The following REXO1 variants were observed in gnomAD, a reference collection of about 807,000 sequenced individuals.
REXO1 encodes the protein REX1, RNA exonuclease 1 homolog.
Under a neutral mutation model 102.6 loss-of-function variants are expected in REXO1, and 42 were observed. That is an observed-to-expected ratio of 0.41 (90% CI 0.32 to 0.53). REXO1 has a LOEUF of 0.53. Ranked by LOEUF, REXO1 falls within the 20% of genes least tolerant of loss-of-function variation. The pLI, the probability that REXO1 is intolerant of heterozygous loss-of-function variation, is 0.27. For synonymous variants in REXO1, 908 were observed against 779.1 expected, an observed-to-expected ratio of 1.17 and a Z score of -2.76; for missense variants, 1,819 against 1,732.5, an observed-to-expected ratio of 1.05 and a Z score of -0.89.
At chr19:1,836,488 G>A (rs533842671) in intron 1 of REXO1, among the ~76,000 whole-genome samples, 6 of 152,140 alleles carry the variant, frequency 3.9e-5, no homozygotes, top group African/African-American at 4.8e-5. Flanking sequence ...GCTCATGCCT[G>A]TAATCCCAGC....
chr19:1,829,830 G>A (rs11669766), intron 1 of REXO1, among the ~76,000 whole-genome samples: 58,852 of 152,078 alleles, frequency 0.39, 13,203 homozygotes, highest in Non-Finnish European at 0.52. Context: ...ATTTGTAGAG[G>A]TGGAGTCTCA....
chr19:1,848,232 C>G lies in REXO1; in HGVS notation c.127G>C (p.Gly43Arg). Residue 43 changes from glycine to arginine, a missense_variant, in exon 1 of 16, where the codon GGT (glycine) becomes CGT (arginine). Physicochemically the swap from Gly to Arg is moderately radical, Grantham distance 125 (BLOSUM62 -2). Transcript: ENST00000170168. ...HRGARGSGAP[G>R]DGGEAPPAAG... ...GCGGGGGGCGCCTCTCCGCCGTCAC[C>G]GGGCGCGCCGGAGCCCCGGGCCCCG... 1 of 1,227,884 alleles carries G rather than the reference C, an allele frequency of 8.1e-7. No homozygotes were observed. 76.1% of individuals were successfully genotyped at this position (1,227,884 alleles called of 1,614,324 possible). A position where few individuals can be genotyped will look rare whatever the true frequency, so the allele number is the denominator to read the frequency against.
At chr19:1,821,459 G>A (rs1453211637) in intron 5 of REXO1, 60 bp downstream of exon 5, 25 of 1,603,028 alleles carry the variant, frequency 1.6e-5, no homozygotes, top group Non-Finnish European at 2.0e-5. Context: ...GGTCCCATGT[G>A]GCCGGGCCTC....
Position 1,827,291 on chromosome 19 carries a change from G to A in REXO1, c.1498C>T (p.Leu500=). The A allele has an allele frequency of 2.6e-6, 4 of 1,564,572 alleles. No individual in the cohort carries two copies. The highest frequency in any genetic ancestry group is 3.4e-6 in the Non-Finnish European group (4 of 1,161,466). Residue 500 remains leucine, a synonymous_variant, in exon 2 of 16, where the codon CTA becomes TTA. Transcript: ENST00000170168. The part of the protein sequence containing the change: ...GKLVERKARS[L]DEGASQDAPK... ...GCGTCCTGGGAGGCGCCCTCGTCTA[G>A]TGAGCGGGCTTTCCGCTCCACTAGC...
Position 1,815,839 on chromosome 19 carries a change from C to G in REXO1, c.*227G>C. The G allele has an allele frequency of 1.3e-6, 2 of 1,515,118 alleles. No individual in the cohort carries two copies. Among genetic ancestry groups the G allele is most frequent in the Non-Finnish European group, 1.8e-6 (2 of 1,136,022 alleles). 93.9% of individuals were successfully genotyped at this position (1,515,118 alleles called of 1,614,324 possible). The stretch of plus-strand genomic sequence containing the variant: ...CTCCATCAGCAGCAGTTTCTAGAGA[C>G]GCCAGAGGGCTGGGGGGCAGAGGGT... On this transcript the variant is annotated 3_prime_UTR_variant, in exon 16 of 16. Transcript: ENST00000170168. The surrounding 1 kb of genome is among the most constrained non-coding windows in gnomAD (Gnocchi z 4.0).
chr19:1,841,502 A>G (rs11667638), intron 1 of REXO1, among the ~76,000 whole-genome samples: 59,024 of 152,170 alleles, frequency 0.39, 13,240 homozygotes, highest in Non-Finnish European at 0.52. Flanking sequence ...AAGAGCTCGC[A>G]GAGGCCGAGG....
chr19:1,831,864 A>G (rs934147560), intron 1 of REXO1, among the ~76,000 whole-genome samples: 29 of 54,068 alleles, frequency 5.4e-4, no homozygotes, highest in South Asian at 1.5e-3. Flanking sequence ...AAAAAAAAAA[A>G]AAAGAAAGAA....
rs768447600 is a variant in REXO1, at chr19:1,818,841, C to G, written c.2767G>C (p.Ala923Pro). The G allele has an allele frequency of 1.1e-5, 17 of 1,609,018 alleles. No homozygotes were observed. The South Asian group carries it at 1.8e-4, about 17-fold the overall frequency. ...TCCCTGAGGCGGCTGTACAGGGCAG[C>G]CCCTGTGGACAGGCACAGTGGTCAG... ...SSPRVEDLKG[A>P]ALYSRLREYL... The change falls in exon 9 of 16, where the codon GCT becomes CCT. Residue 923 changes from alanine to proline, a missense_variant and splice_region_variant. By Grantham distance (27) the Ala-to-Pro change is conservative. Transcript: ENST00000170168.
rs532485737 is a variant in REXO1 at position 1,841,782 on chromosome 19, G to A, written c.157+6420C>T. ...CCCCGGAACCCCTCCCAGCAGGCACGCTTGTCCCCGCTGACCCCAGCCCCA... is the reference window on the plus strand; with the variant it reads ...CCCCGGAACCCCTCCCAGCAGGCACACTTGTCCCCGCTGACCCCAGCCCCA... On this transcript the variant is annotated intron_variant, in intron 1 of 15. Coordinates refer to ENST00000170168, the MANE Select transcript of REXO1 (RefSeq NM_020695.4). 8.9e-4 allele frequency among the ~76,000 whole-genome samples: 135 copies of A among 152,246 alleles called. 2 individuals are homozygous for A. The highest frequency in any genetic ancestry group is 2.7e-3 in the African/African-American group (112 of 41,552).
chr19:1,818,673 G>A lies in REXO1; in HGVS notation c.2902+33C>T, dbSNP rs372277319. 16 of 1,609,246 alleles carry A rather than the reference G, an allele frequency of 9.9e-6. No homozygotes were observed. The African/African-American group carries it at 1.7e-4, about 17-fold the overall frequency. The stretch of plus-strand genomic sequence containing the variant: ...CCGGCCTTGCCCACATCCCGCACCT[G>A]CCCACCTAGGCCGTCGCAGGCCAGC... On this transcript the variant is annotated intron_variant, in intron 9 of 15. Coordinates refer to ENST00000170168, the MANE Select transcript of REXO1 (RefSeq NM_020695.4).
rs1555821500 is a variant in REXO1, at chr19:1,827,021, T to TGGAGGAGGTGGA, written c.1767_1768insTCCACCTCCTCC (p.Ser589_Thr590insSerThrSerSer). ...TCCACATCCGCCCCCGCGCTGGAGG[T>TGGAGGAGGTGGA]GGAGGAGGAGGAGGAGGAGGAGGAG... On this transcript the variant is annotated inframe_insertion, in exon 2 of 16. Transcript: ENST00000170168. 1.7e-4 allele frequency: 239 copies of TGGAGGAGGTGGA among 1,384,146 alleles called. 1 individual carries two copies. The African/African-American group carries it at 1.9e-3, about 11-fold the overall frequency. 85.7% of individuals were successfully genotyped at this position (1,384,146 alleles called of 1,614,324 possible).
intron 3 of REXO1, among the ~76,000 whole-genome samples, chr19:1,825,319 A>ACC (rs1386146301): frequency 1.4e-5 from 2 of 143,496 alleles, no homozygotes; most frequent in African/African-American, 5.4e-5. Context: ...AAAAAAAAAA[A>ACC]AAACAACCAA....
In REXO1 at chr19:1,848,364, G is replaced by A; in HGVS notation, c.-6C>T. The A allele has an allele frequency of 2.5e-6, 3 of 1,213,520 alleles. No individual in the cohort carries two copies. Among genetic ancestry groups the A allele is most frequent in the Non-Finnish European group, 3.1e-6 (3 of 969,674 alleles). The allele number at this position is 1,213,520 out of a possible 1,614,324, so 75.2% of individuals were successfully genotyped here. A position where few individuals can be genotyped will look rare whatever the true frequency, so the allele number is the denominator to read the frequency against. ...AAGCCAGTGGAGCGTAGCATGGTCCGTCCCGCGGCGGGGCCCCGGCCCGGA... is the reference window on the plus strand; with the variant it reads ...AAGCCAGTGGAGCGTAGCATGGTCCATCCCGCGGCGGGGCCCCGGCCCGGA... On this transcript the variant is annotated 5_prime_UTR_variant, in exon 1 of 16. It adds an upstream start codon to the 5' untranslated region. Coordinates refer to ENST00000170168, the MANE Select transcript of REXO1 (RefSeq NM_020695.4).
intron 1 of REXO1, among the ~76,000 whole-genome samples, chr19:1,842,649 A>G (rs2011341372): frequency 6.6e-6 from 1 of 152,222 alleles, no homozygotes; most frequent in Admixed American, 6.5e-5. Context: ...GCCCCCCCAA[A>G]AAAACAGAAT....
At chr19:1,831,696 T>C (rs1350230182) in intron 1 of REXO1, among the ~76,000 whole-genome samples, 4 of 150,306 alleles carry the variant, frequency 2.7e-5, no homozygotes, top group African/African-American at 9.8e-5. Context: ...TACAAAAAAA[T>C]TACCCAGCCG....
chr19:1,825,751 C>G (rs2069696627), intron 3 of REXO1, 88 bp downstream of exon 3: 1 of 896,016 alleles, frequency 1.1e-6, no homozygotes, highest in Non-Finnish European at 1.8e-6. Flanking sequence ...GCTGGGATTA[C>G]AGGCGTGAGC....
At position 1,830,007 on chromosome 19, in the gene REXO1, C is replaced by T. The variant is rs191775351; in HGVS notation, c.158-1376G>A. On this transcript the variant is annotated intron_variant, in intron 1 of 15. Transcript: ENST00000170168. ...GAACATGAGACTCGCATGTTATTTA[C>T]GTGGTTCCAGAACATAGTGTAGCAG... Among the ~76,000 whole-genome samples the T allele has an allele frequency of 2.1e-4, 32 of 152,280 alleles. No individual in the cohort carries two copies. In the East Asian group the frequency reaches 4.0e-3, roughly 19 times the overall value.
rs772137414 is a variant in REXO1 at position 1,828,354 on chromosome 19, G to A, written c.435C>T (p.Phe145=). Residue 145 remains phenylalanine (F), a synonymous_variant, in exon 2 of 16, where the codon TTC becomes TTT. Coordinates refer to ENST00000170168, the MANE Select transcript of REXO1 (RefSeq NM_020695.4). ...SPTVGPDEDA[F]PLAFDYSPGS... ...CGGGGCTGTAGTCGAAGGCCAGTGGGAAGGCATCCTCGTCCGGGCCCACAG... is the reference window on the plus strand; with the variant it reads ...CGGGGCTGTAGTCGAAGGCCAGTGGAAAGGCATCCTCGTCCGGGCCCACAG... The A allele has an allele frequency of 3.1e-5, 50 of 1,609,780 alleles. No homozygotes were observed. In the Admixed American group the frequency reaches 3.5e-4, roughly 11 times the overall value.
chr19:1,833,362 G>A (rs552354931), intron 1 of REXO1, among the ~76,000 whole-genome samples: 1 of 152,360 alleles, frequency 6.6e-6, no homozygotes, highest in South Asian at 2.1e-4. Context: ...AGAAGCCACA[G>A]GTTCTTCTTT....
Sources: allele counts gnomAD v4.1 joint callset (sites outside exome capture counted in the v4.1 genomes callset), GRCh38; gene constraint gnomAD v4.1.1; non-coding constraint Gnocchi (gnomAD v3.1); transcripts MANE v1.5; gene names NCBI Gene and HGNC (gene_info 2026-07-23, HGNC 2026-07-21).